Variants in TMEM74B observed in about 807,000 individuals in gnomAD.
The protein encoded by TMEM74B is transmembrane protein C20orf46.
Under a neutral mutation model 6.5 loss-of-function variants are expected in TMEM74B, and 7 were observed. The observed-to-expected ratio is 1.07, with a 90% confidence interval of 0.61 to 2.01. The LOEUF (loss-of-function observed/expected upper bound fraction) is 2.01. TMEM74B is among the 30% of genes most tolerant of loss of function. TMEM74B has a pLI of 0.00. For synonymous variants in TMEM74B, 151 were observed against 151.6 expected (o/e 1.00, Z 0.03); for missense variants, 342 against 337.0 (o/e 1.01, Z -0.12).
Position 1,180,982 on chromosome 20 carries a change from C to CG in TMEM74B, c.636dup (p.Gly213ArgfsTer12), listed in dbSNP as rs1568492892. 1.9e-6 allele frequency: 3 copies of CG among 1,613,990 alleles called. No individual in the cohort carries two copies. In the African/African-American group the frequency reaches 4.0e-5, roughly 22 times the overall value. ...CCGTAGGTCTTCCTGGAGCCCTTGC[C>CG]GGGGACGAAGGTCCTCCGGCGGTAC... On this transcript the variant is annotated frameshift_variant, in exon 3 of 3. Coordinates refer to ENST00000429036, the MANE Select transcript of TMEM74B (RefSeq NM_001304748.2). LOFTEE classifies it low-confidence loss of function (END_TRUNC). This position sits in a 1 kb window ranked among gnomAD's most constrained non-coding sequence, Gnocchi z 6.1.
Position 1,184,621 on chromosome 20 carries a change from TACAC to T in TMEM74B, c.-471_-468del, listed in dbSNP as rs66669236. On this transcript the variant is annotated 5_prime_UTR_variant, in exon 1 of 3. Transcript: ENST00000429036. This position sits in a 1 kb window ranked among gnomAD's most constrained non-coding sequence, Gnocchi z 6.0. ...GTACCCCGTCACACGCACACGCGCG[TACAC>T]ACACACACACACACACACACACACA... 0.2 allele frequency: 28,852 copies of T among 144,980 alleles called. 2,884 individuals carry two copies. The highest frequency in any genetic ancestry group is 0.26 in the African/African-American group (10,507 of 39,712). The allele number at this position is 144,980 out of a possible 1,614,324, so 9.0% of individuals were successfully genotyped here.
At position 1,183,886 on chromosome 20, in the gene TMEM74B, C is replaced by CT. The variant is rs2086947773; in HGVS notation, c.-86dup. The CT allele has an allele frequency of 3.9e-6, 6 of 1,536,384 alleles. No homozygotes were observed. In the East Asian group the frequency reaches 1.4e-4, roughly 35 times the overall value. On this transcript the variant is annotated 5_prime_UTR_variant, in exon 2 of 3. It removes the in-frame stop codon of an upstream open reading frame in the 5' UTR. Transcript: ENST00000429036. ...GCTGTTTATCAGCAACCGTGAGCACCTTGAGAGCAGGCATAAGTTTGAATT... is the reference window on the plus strand; with the variant it reads ...GCTGTTTATCAGCAACCGTGAGCACCTTTGAGAGCAGGCATAAGTTTGAATT...
upstream of TMEM74B, among the ~76,000 whole-genome samples, chr20:1,188,604 A>C (rs2087046232): frequency 6.9e-6 from 1 of 145,600 alleles, no homozygotes; most frequent in African/African-American, 2.6e-5. Flanking sequence ...TACACACAAT[A>C]CACATACTAC....
intron 2 of TMEM74B, among the ~76,000 whole-genome samples, chr20:1,182,559 G>T (rs1475905056): frequency 6.7e-6 from 1 of 148,520 alleles, no homozygotes; most frequent in Non-Finnish European, 1.5e-5. Context: ...CAAGAGGAAG[G>T]GGCAGACTGG....
chr20:1,181,235 A>T lies in TMEM74B; in HGVS notation c.384T>A (p.Val128=). ...PVDYGFVSAL[V]FLVSGILLVV... ...CCAGAAGAATCCCACTCACCAGGAAAACGAGGGCGGAAACAAAGCCATAAT... is the reference window on the plus strand; with the variant it reads ...CCAGAAGAATCCCACTCACCAGGAATACGAGGGCGGAAACAAAGCCATAAT... Residue 128 remains valine, a synonymous_variant, in exon 3 of 3, where the codon GTT becomes GTA. Transcript: ENST00000429036. This position sits in a 1 kb window ranked among gnomAD's most constrained non-coding sequence, Gnocchi z 4.9. 1 of 1,614,032 alleles carries T rather than the reference A, an allele frequency of 6.2e-7. No individual in the cohort carries two copies. The highest frequency in any genetic ancestry group is 1.1e-5 in the South Asian group (1 of 91,040).
rs371763334 is a variant in TMEM74B, at chr20:1,181,238, G to T, written c.381C>A (p.Leu127=). Residue 127 remains leucine, a synonymous_variant, in exon 3 of 3, where the codon CTC becomes CTA. Coordinates refer to ENST00000429036, the MANE Select transcript of TMEM74B (RefSeq NM_001304748.2). This position sits in a 1 kb window ranked among gnomAD's most constrained non-coding sequence, Gnocchi z 4.9. Reference sequence around the variant, plus strand: ...GAAGAATCCCACTCACCAGGAAAACGAGGGCGGAAACAAAGCCATAATCCA... The same window carrying T: ...GAAGAATCCCACTCACCAGGAAAACTAGGGCGGAAACAAAGCCATAATCCA... The part of the protein sequence containing the change: ...RPVDYGFVSA[L]VFLVSGILLV... 3.1e-6 allele frequency: 5 copies of T among 1,614,000 alleles called. No homozygotes were observed. Among genetic ancestry groups the T allele is most frequent in the Middle Eastern group, 1.6e-4 (1 of 6,080 alleles).
upstream of TMEM74B, among the ~76,000 whole-genome samples, chr20:1,185,895 C>T (rs574226425): frequency 1.8e-3 from 268 of 151,366 alleles, 1 homozygote; most frequent in African/African-American, 6.3e-3. Context: ...GGACGGTCTC[C>T]TCGGGCGCTT....
In TMEM74B at chr20:1,181,004, G is replaced by T; in HGVS notation, c.615C>A (p.Tyr205Ter). Residue 205 changes from tyrosine to a stop codon, truncating the protein, a stop_gained, in exon 3 of 3, where the codon TAC (tyrosine) becomes TAA (stop). Coordinates refer to ENST00000429036, the MANE Select transcript of TMEM74B (RefSeq NM_001304748.2). LOFTEE classifies it low-confidence loss of function (END_TRUNC). The surrounding 1 kb of genome is among the most constrained non-coding windows in gnomAD (Gnocchi z 4.9). ...TGCCGGGGACGAAGGTCCTCCGGCGGTACAGCTCGCCCTTGCACAGGGAGA... is the reference window on the plus strand; with the variant it reads ...TGCCGGGGACGAAGGTCCTCCGGCGTTACAGCTCGCCCTTGCACAGGGAGA... ...LMVSLCKGEL[Y>*]RRRTFVPGKG... 2 of 1,614,060 alleles carry T rather than the reference G, an allele frequency of 1.2e-6. No individual in the cohort carries two copies. The highest frequency in any genetic ancestry group is 1.7e-6 in the Non-Finnish European group (2 of 1,179,996).
chr20:1,182,776 C>CTT (rs2086906775), intron 2 of TMEM74B, among the ~76,000 whole-genome samples: 1 of 152,210 alleles, frequency 6.6e-6, no homozygotes. Context: ...AGGATACTGA[C>CTT]TTACAGCCCG....
chr20:1,184,668 G>A lies in TMEM74B; in HGVS notation c.-514C>T, dbSNP rs1168576118. ...CACACACACACACAAAGTGCCCCTG[G>A]GAGTGAGACCCAAGCCAGATCCACC... On this transcript the variant is annotated 5_prime_UTR_variant, in exon 1 of 3. Coordinates refer to ENST00000429036, the MANE Select transcript of TMEM74B (RefSeq NM_001304748.2). The surrounding 1 kb of genome is among the most constrained non-coding windows in gnomAD (Gnocchi z 6.0). The A allele has an allele frequency of 6.6e-6, 1 of 151,710 alleles. No individual in the cohort carries two copies. The highest frequency in any genetic ancestry group is 2.0e-4 in the East Asian group (1 of 5,126). 9.4% of individuals were successfully genotyped at this position (151,710 alleles called of 1,614,324 possible).
At chr20:1,187,698 C>A (rs934310425), upstream of TMEM74B, among the ~76,000 whole-genome samples, 2 of 152,132 alleles carry the variant, frequency 1.3e-5, no homozygotes, top group Admixed American at 1.3e-4. Flanking sequence ...GAGCGCCTAG[C>A]ATAGGCGAAG....
At position 1,184,865 on chromosome 20, in the gene TMEM74B, AC is replaced by A. The variant is rs1337555401; in HGVS notation, c.-712del. On this transcript the variant is annotated 5_prime_UTR_variant, in exon 1 of 3. Coordinates refer to ENST00000429036, the MANE Select transcript of TMEM74B (RefSeq NM_001304748.2). This position sits in a 1 kb window ranked among gnomAD's most constrained non-coding sequence, Gnocchi z 6.0. ...CGCACACGCAGGTCCACGCTGTTGT[AC>A]CCAAAGTTGCGCGCAGAAAGCCCCA... Among the ~76,000 whole-genome samples, 1 of 152,190 alleles carries A rather than the reference AC, an allele frequency of 6.6e-6. No homozygotes were observed. The highest frequency in any genetic ancestry group is 2.4e-5 in the African/African-American group (1 of 41,460).
rs2086879054 is a variant in TMEM74B at position 1,181,845 on chromosome 20, A to G, written c.32-258T>C. Among the ~76,000 whole-genome samples the G allele has an allele frequency of 1.3e-5, 2 of 152,130 alleles. No individual in the cohort carries two copies. Among genetic ancestry groups the G allele is most frequent in the Admixed American group, 1.3e-4 (2 of 15,260 alleles). On this transcript the variant is annotated intron_variant, in intron 2 of 2. Transcript: ENST00000429036. The surrounding 1 kb of genome is among the most constrained non-coding windows in gnomAD (Gnocchi z 4.9). ...CTGGCTTCAGTTTCCCCACCTATAAAATAATACTACTACTACCCTCTAGTT... is the reference window on the plus strand; with the variant it reads ...CTGGCTTCAGTTTCCCCACCTATAAGATAATACTACTACTACCCTCTAGTT...
intron 2 of TMEM74B, 43 bp downstream of exon 2, chr20:1,183,728 G>GATCA (rs1568496648): frequency 6.2e-7 from 1 of 1,611,054 alleles, no homozygotes; most frequent in South Asian, 1.1e-5. Context: ...TGGAGGACAG[G>GATCA]AGTTGAATGC....
intron 2 of TMEM74B, among the ~76,000 whole-genome samples, chr20:1,182,200 G>A (rs1466977081): frequency 6.6e-6 from 1 of 151,480 alleles, no homozygotes; most frequent in African/African-American, 2.4e-5. Flanking sequence ...GGGGGAGGGG[G>A]TAGAAATGCA....
At chr20:1,182,257 T>C (rs184020268) in intron 2 of TMEM74B, among the ~76,000 whole-genome samples, 1,580 of 152,094 alleles carry the variant, frequency 0.01, 10 homozygotes, top group Non-Finnish European at 0.018. Flanking sequence ...TGGGAGTTGG[T>C]GGCATTTGAG....
Position 1,181,021 on chromosome 20 carries a change from A to T in TMEM74B, c.598T>A (p.Cys200Ser). ...CTCCGGCGGTACAGCTCGCCCTTGCACAGGGAGACCATGAGCAGCACCGAC... is the reference window on the plus strand; with the variant it reads ...CTCCGGCGGTACAGCTCGCCCTTGCTCAGGGAGACCATGAGCAGCACCGAC... ...LLSVLLMVSL[C>S]KGELYRRRTF... is the part of the protein sequence containing the mutation. Residue 200 changes from cysteine (C) to serine (S), a missense_variant, in exon 3 of 3, where the codon TGC (cysteine) becomes AGC (serine). By Grantham distance (112) the Cys-to-Ser change is moderately radical (BLOSUM62 -1). Coordinates refer to ENST00000429036, the MANE Select transcript of TMEM74B (RefSeq NM_001304748.2). The surrounding 1 kb of genome is among the most constrained non-coding windows in gnomAD (Gnocchi z 4.9). The T allele has an allele frequency of 6.2e-7, 1 of 1,613,872 alleles. No homozygotes were observed. Among genetic ancestry groups the T allele is most frequent in the Non-Finnish European group, 8.5e-7 (1 of 1,179,960 alleles).
At position 1,180,895 on chromosome 20, in the gene TMEM74B, C is replaced by G. The variant is rs1206190447; in HGVS notation, c.724G>C (p.Glu242Gln). The G allele has an allele frequency of 6.2e-7, 1 of 1,610,828 alleles. No individual in the cohort carries two copies. The highest frequency in any genetic ancestry group is 1.1e-5 in the South Asian group (1 of 90,804). The change falls in exon 3 of 3, where the codon GAA becomes CAA. Residue 242 changes from glutamate (E) to glutamine (Q), a missense_variant. Glu to Gln is a conservative substitution (Grantham distance 29, BLOSUM62 2). Coordinates refer to ENST00000429036, the MANE Select transcript of TMEM74B (RefSeq NM_001304748.2). The surrounding 1 kb of genome is among the most constrained non-coding windows in gnomAD (Gnocchi z 6.1). Reference protein sequence around the residue: ...GDGGQALVENEVVQVSETSHT... With the variant: ...GDGGQALVENQVVQVSETSHT... ...CTAGTCTCTGAGACCTGGACAACTT[C>G]ATTCTCCACCAGGGCCTGGCCCCCA...
At position 1,181,276 on chromosome 20, in the gene TMEM74B, C is replaced by T. The variant is rs147671569; in HGVS notation, c.343G>A (p.Val115Met). ...HSEEGPALEP[V>M]SRPVDYGFVS... Reference sequence around the variant, plus strand: ...AAGCCATAATCCACCGGGCGGCTCACGGGCTCCAGGGCTGGCCCCTCCTCT... The same window carrying T: ...AAGCCATAATCCACCGGGCGGCTCATGGGCTCCAGGGCTGGCCCCTCCTCT... The change falls in exon 3 of 3, where the codon GTG (valine) becomes ATG (methionine). Residue 115 changes from valine to methionine, a missense_variant. By Grantham distance (21) the Val-to-Met change is conservative. Transcript: ENST00000429036. The surrounding 1 kb of genome is among the most constrained non-coding windows in gnomAD (Gnocchi z 4.9). 8.7e-5 allele frequency: 140 copies of T among 1,613,620 alleles called. No homozygotes were observed. Among genetic ancestry groups the T allele is most frequent in the African/African-American group, 2.1e-4 (16 of 75,040 alleles).
Sources: gnomAD v4.1 joint callset for allele counts (sites outside exome capture counted in the v4.1 genomes callset) on GRCh38, gnomAD v4.1.1 for gene constraint, Gnocchi (gnomAD v3.1) non-coding constraint, MANE v1.5 for transcripts, NCBI Gene and HGNC (gene_info 2026-07-23, HGNC 2026-07-21) for gene names.